GSE1: variants seen among roughly 807,000 people sequenced by gnomAD.
The protein encoded by GSE1 is Gse1 coiled-coil protein, also known as genetic suppressor element 1.
In GSE1, 32 loss-of-function variants were observed where a neutral mutation model predicts 112.6. That is an observed-to-expected ratio of 0.28 (90% CI 0.21 to 0.38). The LOEUF (loss-of-function observed/expected upper bound fraction) is 0.38. Ranked by LOEUF, GSE1 falls within the 10% of genes least tolerant of loss-of-function variation. The probability of loss-of-function intolerance (pLI) is 1.00; values close to 1 mark genes in which losing one functional copy is unlikely to be tolerated. For synonymous variants in GSE1, 1,115 were observed against 735.6 expected, an observed-to-expected ratio of 1.52 and a Z score of -8.35; for missense variants, 2,348 against 1,699.2, an observed-to-expected ratio of 1.38 and a Z score of -6.71.
intron 2 of GSE1, among the ~76,000 whole-genome samples, chr16:85,453,449 G>GT (rs2049741057): frequency 6.6e-6 from 1 of 152,192 alleles, no homozygotes; most frequent in Non-Finnish European, 1.5e-5. Flanking sequence ...GAGGGTTGGG[G>GT]TATGGGGCTG....
chr16:85,409,438 G>A (rs36189137), intron 2 of GSE1, among the ~76,000 whole-genome samples: 5 of 15,926 alleles, frequency 3.1e-4, no homozygotes, highest in African/African-American at 1.3e-3. Context: ...GTTACACTCA[G>A]GGCCCCCCCG....
At chr16:85,368,973 C>T (rs1282525332) in intron 2 of GSE1, among the ~76,000 whole-genome samples, 1 of 152,124 alleles carries the variant, frequency 6.6e-6, no homozygotes, top group East Asian at 1.9e-4. Flanking sequence ...TGTCTGGAAA[C>T]AGCACTCTTC....
At chr16:85,520,330 C>A (rs1219520703) in intron 2 of GSE1, among the ~76,000 whole-genome samples, 1 of 151,878 alleles carries the variant, frequency 6.6e-6, no homozygotes, top group East Asian at 1.9e-4. Context: ...AGGATTTCAA[C>A]ACAGGAATTG....
intron 2 of GSE1, among the ~76,000 whole-genome samples, chr16:85,403,881 G>A (rs1022221334): frequency 6.6e-6 from 1 of 152,148 alleles, no homozygotes; most frequent in South Asian, 2.1e-4. Flanking sequence ...GTGTGGGCAG[G>A]GCTGCACCCC....
intron 2 of GSE1, among the ~76,000 whole-genome samples, chr16:85,452,522 C>T (rs113547500): frequency 2.4e-4 from 37 of 152,348 alleles, no homozygotes; most frequent in Middle Eastern, 3.4e-3. Context: ...GCTACCCCGG[C>T]GGGGCCCAGA....
intron 1 of GSE1, among the ~76,000 whole-genome samples, chr16:85,221,417 G>T (rs188392886): frequency 6.6e-6 from 1 of 151,842 alleles, no homozygotes; most frequent in East Asian, 1.9e-4. Context: ...TACATACCCT[G>T]CATGCATGCA....
At chr16:85,489,808 A>G (rs1237581102) in intron 2 of GSE1, 2 of 152,310 alleles carry the variant, frequency 1.3e-5, no homozygotes, top group Non-Finnish European at 2.9e-5. Flanking sequence ...ATGAGGTCAC[A>G]TGGGACTAGG....
intron 2 of GSE1, among the ~76,000 whole-genome samples, chr16:85,383,527 GTCTCTC>G (rs55919597): frequency 0.033 from 4,298 of 130,412 alleles, 81 homozygotes; most frequent in Middle Eastern, 0.045. Context: ...GCACACCTGC[GTCTCTC>G]TCTCTCTCTC....
chr16:85,258,475 G>A lies in GSE1; in HGVS notation c.2283+86668G>A, dbSNP rs549445347. On this transcript the variant is annotated intron_variant, in intron 1 of 2. Transcript: ENST00000637419. Reference sequence around the variant, plus strand: ...CCACGAGCTGCAGAAACAGCAGCAGGCAAACCCAGCAAAGCTCAGCCCTCT... The same window carrying A: ...CCACGAGCTGCAGAAACAGCAGCAGACAAACCCAGCAAAGCTCAGCCCTCT... 1.2e-4 allele frequency among the ~76,000 whole-genome samples: 18 copies of A among 152,146 alleles called. No homozygotes were observed. In the South Asian group the frequency reaches 3.3e-3, roughly 28 times the overall value.
upstream of GSE1, among the ~76,000 whole-genome samples, chr16:85,551,559 G>A (rs1429654205): frequency 1.3e-5 from 2 of 152,244 alleles, no homozygotes; most frequent in Non-Finnish European, 2.9e-5. Context: ...CGCCCGGGAG[G>A]CTCACGGCGG....
intron 2 of GSE1, among the ~76,000 whole-genome samples, chr16:85,635,013 G>A (rs906947374): frequency 1.1e-4 from 17 of 152,300 alleles, no homozygotes; most frequent in African/African-American, 3.4e-4. Flanking sequence ...CAAGGCCCAC[G>A]GGTTAAGATC....
intron 1 of GSE1, among the ~76,000 whole-genome samples, chr16:85,248,443 C>T (rs1906104415): frequency 6.6e-6 from 1 of 151,950 alleles, no homozygotes; most frequent in Non-Finnish European, 1.5e-5. Context: ...CTCTCTCTCC[C>T]TTTTTCTCTC....
exon 1 of GSE1, chr16:85,170,777 G>T: frequency 1.0e-6 from 1 of 985,524 alleles, no homozygotes; most frequent in Non-Finnish European, 1.2e-6. Context: ...GAGGGCGGCA[G>T]TACCTTGGTG....
exon 1 of GSE1, chr16:85,170,912 G>A: frequency 5.1e-6 from 5 of 985,602 alleles, no homozygotes; most frequent in Non-Finnish European, 6.0e-6. Context: ...GCCTCTAAGG[G>A]CAGGAGGCTC....
chr16:85,169,673 C>G (rs1432555003), exon 1 of GSE1: 1 of 983,282 alleles, frequency 1.0e-6, no homozygotes, highest in Non-Finnish European at 1.2e-6. Flanking sequence ...GTGAAGCAGC[C>G]GGCGGCGGGC....
intron 2 of GSE1, among the ~76,000 whole-genome samples, chr16:85,546,867 G>A (rs983548725): frequency 2.0e-5 from 3 of 152,270 alleles, no homozygotes; most frequent in African/African-American, 7.2e-5. Context: ...AAGGCCAGCA[G>A]TTAGAGGTAG....
At chr16:85,436,130 G>A (rs2049241087) in intron 2 of GSE1, among the ~76,000 whole-genome samples, 2 of 152,318 alleles carry the variant, frequency 1.3e-5, no homozygotes, top group South Asian at 4.1e-4. Flanking sequence ...GGGTCACTGA[G>A]TGGCCTTGCC....
intron 2 of GSE1, among the ~76,000 whole-genome samples, chr16:85,511,274 C>A (rs1248582679): frequency 6.6e-6 from 1 of 152,246 alleles, no homozygotes; most frequent in Non-Finnish European, 1.5e-5. Context: ...CGCCTGTAAT[C>A]CCAGCACTTT....
chr16:85,416,435 G>C (rs970271374), intron 2 of GSE1, among the ~76,000 whole-genome samples: 1 of 152,108 alleles, frequency 6.6e-6, no homozygotes, highest in Non-Finnish European at 1.5e-5. Flanking sequence ...GGTTCAGAGC[G>C]GCTCCTCCCG....
Sources: gnomAD v4.1 joint callset for allele counts (sites outside exome capture counted in the v4.1 genomes callset) on GRCh38, gnomAD v4.1.1 for gene constraint, MANE v1.5 for transcripts, NCBI Gene and HGNC (gene_info 2026-07-23, HGNC 2026-07-21) for gene names.